The following SBK2 variants were observed in gnomAD, a reference collection of about 807,000 sequenced individuals.
SBK2 encodes SH3 domain binding kinase family member 2.
Under a neutral mutation model 15.9 loss-of-function variants are expected in SBK2, and 18 were observed. The observed-to-expected ratio is 1.13, with a 90% confidence interval of 0.78 to 1.68. The LOEUF (loss-of-function observed/expected upper bound fraction) is 1.68, where lower values mean the gene tolerates loss of function less well. SBK2 is among the 40% of genes most tolerant of loss of function. SBK2 has a pLI of 0.00. For missense variants in SBK2, 581 were observed against 510.9 expected, an observed-to-expected ratio of 1.14 and a Z score of -1.32; for synonymous variants, 284 against 246.8, an observed-to-expected ratio of 1.15 and a Z score of -1.41.
In SBK2 at chr19:55,529,344, A is replaced by G. The variant is rs1988182694; in HGVS notation, c.*389T>C. ...TGTGGATTTTGAGACTGCAGTGAGC[A>G]GAGATAGCACCACTGCACTCCAGCC... On this transcript the variant is annotated 3_prime_UTR_variant, in exon 4 of 4. Coordinates refer to ENST00000413299, the MANE Select transcript of SBK2 (RefSeq NM_001370096.2). 6.6e-6 allele frequency among the ~76,000 whole-genome samples: 1 copy of G among 152,214 alleles called. No individual in the cohort carries two copies. Among genetic ancestry groups the G allele is most frequent in the Admixed American group, 6.5e-5 (1 of 15,286 alleles).
chr19:55,536,057 T>G lies in SBK2; in HGVS notation c.238A>C (p.Thr80Pro). Residue 80 changes from threonine (T) to proline (P), a missense_variant, in exon 2 of 4, where the codon ACC becomes CCC. Thr to Pro is a conservative substitution (Grantham distance 38). Transcript: ENST00000413299. ...QGCYGRVLLV[T>P]HRQKGTPLAL... ...AGCCTCGTACCTTTCTGACGATGGG[T>G]GACCAGAAGGACGCGGCCATAGCAA... 1 of 1,476,656 alleles carries G rather than the reference T, an allele frequency of 6.8e-7. No individual in the cohort carries two copies. Among genetic ancestry groups the G allele is most frequent in the South Asian group, 1.4e-5 (1 of 71,218 alleles). 91.5% of individuals were successfully genotyped at this position (1,476,656 alleles called of 1,614,324 possible). A position where few individuals can be genotyped will look rare whatever the true frequency, so the allele number is the denominator to read the frequency against.
rs1026477073 is a variant in SBK2, at chr19:55,529,366, A to G, written c.*367T>C. Among the ~76,000 whole-genome samples, 18 of 152,226 alleles carry G rather than the reference A, an allele frequency of 1.2e-4. No individual in the cohort carries two copies. The highest frequency in any genetic ancestry group is 2.5e-4 in the Non-Finnish European group (17 of 68,046). On this transcript the variant is annotated 3_prime_UTR_variant, in exon 4 of 4. Coordinates refer to ENST00000413299, the MANE Select transcript of SBK2 (RefSeq NM_001370096.2). ...AGCAGAGATAGCACCACTGCACTCC[A>G]GCCTGGGAGACAGAGCGAGACCCTG...
At position 55,530,248 on chromosome 19, in the gene SBK2, C is replaced by T. The variant is rs1475169680; in HGVS notation, c.532G>A (p.Gly178Ser). The change falls in exon 4 of 4, where the codon GGC becomes AGC. Residue 178 changes from glycine to serine, a missense_variant. Coordinates refer to ENST00000413299, the MANE Select transcript of SBK2 (RefSeq NM_001370096.2). ...GGCTTCAGGTCCCGGTACACCAGGCCGCGGGCGTGGATGTACTCCAGGGCG... is the reference window on the plus strand; with the variant it reads ...GGCTTCAGGTCCCGGTACACCAGGCTGCGGGCGTGGATGTACTCCAGGGCG... ...ASALEYIHAR[G>S]LVYRDLKPEN... 3.3e-6 allele frequency: 5 copies of T among 1,517,822 alleles called. No homozygotes were observed. The East Asian group carries it at 7.6e-5, about 23-fold the overall frequency. 94.0% of individuals were successfully genotyped at this position (1,517,822 alleles called of 1,614,324 possible).
At position 55,529,755 on chromosome 19, in the gene SBK2, A is replaced by G; in HGVS notation, c.1025T>C (p.Val342Ala). 6.2e-7 allele frequency: 1 copy of G among 1,601,440 alleles called. No homozygotes were observed. Among genetic ancestry groups the G allele is most frequent in the Non-Finnish European group, 8.5e-7 (1 of 1,179,480 alleles). The change falls in exon 4 of 4, where the codon GTG (valine) becomes GCG (alanine). Residue 342 changes from valine to alanine, a missense_variant. By Grantham distance (64) the Val-to-Ala change is moderately conservative. Transcript: ENST00000413299. ...REGEAEAVGA[V>A]EEEAGQ is the part of the protein sequence containing the mutation. ...TCCTCACTGCCCAGCCTCCTCTTCC[A>G]CCGCTCCCACTGCCTCCGCCTCGCC...
intron 3 of SBK2, 137 bp downstream of exon 3, chr19:55,531,005 CA>C (rs1312628301): frequency 8.1e-6 from 6 of 738,424 alleles, no homozygotes; most frequent in Non-Finnish European, 1.3e-5. Context: ...CTGTGGGCCC[CA>C]CGAGGGGCCT....
chr19:55,532,406 G>A (rs977910937), intron 2 of SBK2, among the ~76,000 whole-genome samples: 4 of 144,484 alleles, frequency 2.8e-5, no homozygotes, highest in Non-Finnish European at 4.5e-5. Context: ...GGGTTCAAGC[G>A]ATTCTCCTGC....
In SBK2 at chr19:55,529,000, C is replaced by T. The variant is rs1192515137; in HGVS notation, c.*733G>A. Among the ~76,000 whole-genome samples, 1 of 152,224 alleles carries T rather than the reference C, an allele frequency of 6.6e-6. No individual in the cohort carries two copies. The highest frequency in any genetic ancestry group is 2.4e-5 in the African/African-American group (1 of 41,464). On this transcript the variant is annotated 3_prime_UTR_variant, in exon 4 of 4. Coordinates refer to ENST00000413299, the MANE Select transcript of SBK2 (RefSeq NM_001370096.2). ...GCATTTACAACGCGCAGCTGTAATC[C>T]CAGCACTGCGGGAGGCCGAGGTGGG...
chr19:55,532,363 C>T (rs1214745306), intron 2 of SBK2, among the ~76,000 whole-genome samples: 3 of 132,150 alleles, frequency 2.3e-5, no homozygotes, highest in Admixed American at 9.0e-5. Context: ...AGTGCAGTGG[C>T]GTCATCTCGG....
intron 2 of SBK2, among the ~76,000 whole-genome samples, chr19:55,534,826 A>G (rs943281296): frequency 6.6e-6 from 1 of 151,796 alleles, no homozygotes; most frequent in Non-Finnish European, 1.5e-5. Flanking sequence ...GGAGTTCAAG[A>G]CTAGCCTGGC....
Position 55,533,659 on chromosome 19 carries a change from C to CAAAAAAAAAAA in SBK2, c.254-2325_254-2315dup. Among the ~76,000 whole-genome samples, 37 of 33,898 alleles carry CAAAAAAAAAAA rather than the reference C, an allele frequency of 1.1e-3. 1 individual carries two copies. The highest frequency in any genetic ancestry group is 1.7e-3 in the East Asian group (1 of 586). 22.2% of individuals were successfully genotyped at this position (33,898 alleles called of 152,430 possible). A position where few individuals can be genotyped will look rare whatever the true frequency, so the allele number is the denominator to read the frequency against. On this transcript the variant is annotated intron_variant, in intron 2 of 3. Coordinates refer to ENST00000413299, the MANE Select transcript of SBK2 (RefSeq NM_001370096.2). The stretch of plus-strand genomic sequence containing the variant: ...TGGGCGACAGAGCGAGACTCCGTCT[C>CAAAAAAAAAAA]AAAAAAAAAAAAAAAAAAAAAAAAA...
chr19:55,531,018 C>CG lies in SBK2; in HGVS notation c.456+124dup, dbSNP rs548289333. On this transcript the variant is annotated intron_variant, in intron 3 of 3. Transcript: ENST00000413299. Reference sequence around the variant, plus strand: ...TCCTGTGGGCCCCACGAGGGGCCTCCGGGGGGTAGGGGAGGCCCAGGGAGG... The same window carrying CG: ...TCCTGTGGGCCCCACGAGGGGCCTCCGGGGGGGTAGGGGAGGCCCAGGGAGG... 608 of 843,450 alleles carry CG rather than the reference C, an allele frequency of 7.2e-4. 2 individuals carry two copies. In the African/African-American group the frequency reaches 9.2e-3, roughly 13 times the overall value. The allele number at this position is 843,450 out of a possible 1,614,324, so 52.2% of individuals were successfully genotyped here.
At chr19:55,532,940 G>A (rs2123478611) in intron 2 of SBK2, among the ~76,000 whole-genome samples, 2 of 152,266 alleles carry the variant, frequency 1.3e-5, no homozygotes, top group Middle Eastern at 6.8e-3. Context: ...TTACAGGTGT[G>A]AGCCACCATG....
chr19:55,535,971 G>A (rs1988385642), intron 2 of SBK2, 71 bp downstream of exon 2: 1 of 1,369,302 alleles, frequency 7.3e-7, no homozygotes, highest in South Asian at 1.9e-5. Flanking sequence ...AGCCTCCCCA[G>A]CCTGGGCTAC....
rs1229000184 is a variant in SBK2 at position 55,530,481 on chromosome 19, TGGCCTAGGGTGACCCCGTGA to T, written c.457-178_457-159del. 4.4e-4 allele frequency among the ~76,000 whole-genome samples: 6 copies of T among 13,642 alleles called. 1 individual carries two copies. The highest frequency in any genetic ancestry group is 1.9e-3 in the East Asian group (1 of 520). The allele number at this position is 13,642 out of a possible 152,430, so 8.9% of individuals were successfully genotyped here. A position where few individuals can be genotyped will look rare whatever the true frequency, so the allele number is the denominator to read the frequency against. ...ACCTGTGAGGCCTGCGGGTTTAGTG[TGGCCTAGGGTGACCCCGTGA>T]GGCCTAGTGTGACCTGTGAGGCCTG... On this transcript the variant is annotated intron_variant, in intron 3 of 3. Transcript: ENST00000413299.
intron 2 of SBK2, among the ~76,000 whole-genome samples, chr19:55,532,403 A>G (rs1988292041): frequency 6.8e-6 from 1 of 147,876 alleles, no homozygotes; most frequent in Non-Finnish European, 1.5e-5. Flanking sequence ...CCTGGGTTCA[A>G]GCGATTCTCC....
chr19:55,530,138 C>T lies in SBK2; in HGVS notation c.642G>A (p.Leu214=). The change falls in exon 4 of 4, where the codon CTG becomes CTA. Residue 214 remains leucine (L), a synonymous_variant. Transcript: ENST00000413299. ...AGGGGATGGGCGGCCCGGCCAGGCGCAGCAGCGTCCCGCGAGGCCTCGTGT... is the reference window on the plus strand; with the variant it reads ...AGGGGATGGGCGGCCCGGCCAGGCGTAGCAGCGTCCCGCGAGGCCTCGTGT... ...FGHTRPRGTL[L]RLAGPPIPYT... is the part of the protein sequence containing the mutation. 1 of 1,488,144 alleles carries T rather than the reference C, an allele frequency of 6.7e-7. No homozygotes were observed. The highest frequency in any genetic ancestry group is 1.3e-5 in the South Asian group (1 of 76,596). The allele number at this position is 1,488,144 out of a possible 1,614,324, so 92.2% of individuals were successfully genotyped here. A position where few individuals can be genotyped will look rare whatever the true frequency, so the allele number is the denominator to read the frequency against.
chr19:55,529,542 A>T lies in SBK2; in HGVS notation c.*191T>A, dbSNP rs1022026618. On this transcript the variant is annotated 3_prime_UTR_variant, in exon 4 of 4. Transcript: ENST00000413299. Reference sequence around the variant, plus strand: ...CTGGGGAAGGTGGCGGCAGGTATGGAGGGACATGCAGAGGTCTGAGGCCCT... The same window carrying T: ...CTGGGGAAGGTGGCGGCAGGTATGGTGGGACATGCAGAGGTCTGAGGCCCT... Among the ~76,000 whole-genome samples, 7 of 152,004 alleles carry T rather than the reference A, an allele frequency of 4.6e-5. No individual in the cohort carries two copies. Among genetic ancestry groups the T allele is most frequent in the African/African-American group, 1.5e-4 (6 of 41,368 alleles).
chr19:55,531,869 C>T (rs982996120), intron 2 of SBK2, among the ~76,000 whole-genome samples: 1 of 151,998 alleles, frequency 6.6e-6, no homozygotes, highest in African/African-American at 2.4e-5. Context: ...ATCCCAGCTA[C>T]TTGGCCGGCT....
At chr19:55,535,160 G>A (rs964492521) in intron 2 of SBK2, among the ~76,000 whole-genome samples, 1 of 152,186 alleles carries the variant, frequency 6.6e-6, no homozygotes, top group Non-Finnish European at 1.5e-5. Flanking sequence ...GACTGGCTCT[G>A]GTTCAATTCT....
Sources: gnomAD v4.1 joint callset for allele counts (sites outside exome capture counted in the v4.1 genomes callset) on GRCh38, gnomAD v4.1.1 for gene constraint, MANE v1.5 for transcripts, NCBI Gene and HGNC (gene_info 2026-07-23, HGNC 2026-07-21) for gene names.